GABRR1: variants seen among roughly 807,000 people sequenced by gnomAD.
GABRR1 encodes gamma-aminobutyric acid receptor subunit rho-1.
Under a neutral mutation model 55.5 loss-of-function variants are expected in GABRR1, and 59 were observed. The ratio of observed to expected loss-of-function variants is 1.06; its 90% CI spans 0.86 to 1.32. The LOEUF is 1.32. Among genes scored for constraint, GABRR1 ranks in the 40% most tolerant of loss-of-function variants. GABRR1 has a pLI of 0.00. For missense variants in GABRR1, 602 were observed against 619.1 expected, an observed-to-expected ratio of 0.97 and a Z score of 0.29; for synonymous variants, 213 against 226.0, an observed-to-expected ratio of 0.94 and a Z score of 0.51.
chr6:89,224,669 A>T (rs1378749583), intron 1 of GABRR1, among the ~76,000 whole-genome samples: 1 of 152,092 alleles, frequency 6.6e-6, no homozygotes, highest in African/African-American at 2.4e-5. Flanking sequence ...GAAGCTCTTT[A>T]GTTTAAGTCC....
intron 2 of GABRR1, among the ~76,000 whole-genome samples, chr6:89,201,711 A>C (rs148749501): frequency 6.6e-6 from 1 of 151,510 alleles, no homozygotes. Flanking sequence ...CCCAGGAGGC[A>C]GAGCTTGCAG....
At chr6:89,223,898 G>A (rs1167470560) in intron 1 of GABRR1, among the ~76,000 whole-genome samples, 2 of 151,112 alleles carry the variant, frequency 1.3e-5, no homozygotes, top group Non-Finnish European at 2.9e-5. Context: ...CGAGTAGCTG[G>A]GACTACAGGC....
intron 1 of GABRR1, among the ~76,000 whole-genome samples, chr6:89,216,828 A>G (rs1772994865): frequency 6.6e-6 from 1 of 152,244 alleles, no homozygotes. Context: ...CATGAAATAC[A>G]GGTCCCATTG....
chr6:89,182,081 C>T (rs1350587106), intron 7 of GABRR1, 24 bp from the exon 8 acceptor site: 1 of 1,612,478 alleles, frequency 6.2e-7, no homozygotes. Context: ...GAATAAAAGA[C>T]AGTACACATC....
intron 1 of GABRR1, among the ~76,000 whole-genome samples, chr6:89,210,982 G>C (rs1056838135): frequency 6.6e-6 from 1 of 151,866 alleles, no homozygotes; most frequent in Non-Finnish European, 1.5e-5. Context: ...CTAAATATTG[G>C]AGGAAGAAAA....
At chr6:89,218,946 G>C (rs933976942), upstream of GABRR1, among the ~76,000 whole-genome samples, 1 of 151,984 alleles carries the variant, frequency 6.6e-6, no homozygotes, top group Admixed American at 6.6e-5. Flanking sequence ...TCTTGGGCTT[G>C]GTCTCCTAAT....
At chr6:89,213,308 C>G (rs1227779340) in intron 1 of GABRR1, among the ~76,000 whole-genome samples, 1 of 152,192 alleles carries the variant, frequency 6.6e-6, no homozygotes, top group Non-Finnish European at 1.5e-5. Flanking sequence ...AAATTACCAG[C>G]AGCTTATGGA....
intron 1 of GABRR1, among the ~76,000 whole-genome samples, chr6:89,225,735 G>A (rs1773190852): frequency 8.8e-6 from 1 of 113,124 alleles, no homozygotes. Context: ...ACGTGTGCAT[G>A]TGTCTTTATA....
chr6:89,201,927 A>G (rs933917065), intron 2 of GABRR1, among the ~76,000 whole-genome samples: 1 of 152,134 alleles, frequency 6.6e-6, no homozygotes, highest in Admixed American at 6.5e-5. Flanking sequence ...TAGTCTTGTT[A>G]TTAATAGCCC....
chr6:89,210,509 A>C (rs1296193821), intron 1 of GABRR1, among the ~76,000 whole-genome samples: 1 of 151,960 alleles, frequency 6.6e-6, no homozygotes, highest in East Asian at 1.9e-4. Flanking sequence ...CAAAATTTTT[A>C]ATTTTTGCAT....
intron 1 of GABRR1, among the ~76,000 whole-genome samples, chr6:89,223,627 CTG>C (rs1231789065): frequency 3.3e-5 from 5 of 151,960 alleles, no homozygotes; most frequent in Middle Eastern, 6.8e-3. Context: ...AATCTCCACA[CTG>C]TTTTCCATAG....
chr6:89,199,326 T>A lies in GABRR1; in HGVS notation c.348+36A>T, dbSNP rs576051305. ...CCTGGCCCTGGACCGGCTTTGTGAA[T>A]CCCCCTGCCACGGCCCTGGTCAGAG... is the stretch of plus-strand genomic sequence containing the variant. On this transcript the variant is annotated intron_variant, in intron 4 of 9. Coordinates refer to ENST00000454853, the MANE Select transcript of GABRR1 (RefSeq NM_002042.5). 192 of 1,598,862 alleles carry A rather than the reference T, an allele frequency of 1.2e-4. No individual in the cohort carries two copies. In the South Asian group the frequency reaches 2.0e-3, roughly 17 times the overall value.
At chr6:89,185,275 C>T (rs372982790) in intron 7 of GABRR1, 35 bp downstream of exon 7, 26 of 1,612,412 alleles carry the variant, frequency 1.6e-5, no homozygotes, top group African/African-American at 2.7e-5. Flanking sequence ...CAAGCTGAAG[C>T]CTGCCCTGAC....
At position 89,198,129 on chromosome 6, in the gene GABRR1, C is replaced by A. The variant is rs752895746; in HGVS notation, c.463G>T (p.Val155Phe). 5 of 1,613,950 alleles carry A rather than the reference C, an allele frequency of 3.1e-6. No homozygotes were observed. In the African/African-American group the frequency reaches 6.7e-5, roughly 22 times the overall value. The stretch of plus-strand genomic sequence containing the variant: ...GAGTGCACGAAAAACATGTCAGGGA[C>A]CCAGATCTTCTTGACCAGCCGGCCG... ...FDGRLVKKIW[V>F]PDMFFVHSKR... Residue 155 changes from valine to phenylalanine, a missense_variant, in exon 5 of 10, where the codon GTC (valine) becomes TTC (phenylalanine). Val to Phe is a conservative substitution (Grantham distance 50, BLOSUM62 -1). Coordinates refer to ENST00000454853, the MANE Select transcript of GABRR1 (RefSeq NM_002042.5).
At chr6:89,210,623 GGCACAGT>G (rs1772806234) in intron 1 of GABRR1, among the ~76,000 whole-genome samples, 1 of 152,126 alleles carries the variant, frequency 6.6e-6, no homozygotes, top group South Asian at 2.1e-4. Context: ...CCAAGCCATG[GGCACAGT>G]GCCTGGAGTA....
At chr6:89,199,322 T>A in intron 4 of GABRR1, 40 bp downstream of exon 4, 1 of 1,593,120 alleles carries the variant, frequency 6.3e-7, no homozygotes. Flanking sequence ...ACCGGCTTTG[T>A]GAATCCCCCT....
chr6:89,196,381 T>G (rs1485404397), intron 5 of GABRR1, among the ~76,000 whole-genome samples: 1 of 152,210 alleles, frequency 6.6e-6, no homozygotes, highest in Non-Finnish European at 1.5e-5. Flanking sequence ...ATACCAATGG[T>G]CACATATGTT....
intron 1 of GABRR1, among the ~76,000 whole-genome samples, chr6:89,228,510 A>G (rs1367007573): frequency 4.9e-5 from 3 of 61,354 alleles, no homozygotes; most frequent in Admixed American, 4.6e-4. Flanking sequence ...TTCTGCCTTC[A>G]TTTCATTATG....
chr6:89,201,795 A>G (rs1024582002), intron 2 of GABRR1, among the ~76,000 whole-genome samples: 3 of 150,222 alleles, frequency 2.0e-5, no homozygotes, highest in Non-Finnish European at 4.4e-5. Flanking sequence ...AAAAAAAAAA[A>G]TACCGATGCC....
Sources: allele counts gnomAD v4.1 joint callset (sites outside exome capture counted in the v4.1 genomes callset), GRCh38; gene constraint gnomAD v4.1.1; transcripts MANE v1.5; gene names NCBI Gene and HGNC (gene_info 2026-07-23, HGNC 2026-07-21).